Variants in PRKG1 observed in about 807,000 individuals in gnomAD.
PRKG1 encodes protein kinase cGMP-dependent 1, also known as cGMP-dependent protein kinase 1.
PRKG1 carries 35 observed loss-of-function variants against 88.1 expected under a neutral mutation model. The observed-to-expected ratio is 0.40, with a 90% CI of 0.30 to 0.53. The LOEUF is 0.53. Among genes scored for constraint, PRKG1 ranks in the 20% least tolerant of loss-of-function variants. The pLI, the probability that PRKG1 is intolerant of heterozygous loss-of-function variation, is 0.59. For synonymous variants in PRKG1, 303 were observed against 292.5 expected (o/e 1.04, Z -0.37); for missense variants, 540 against 839.8 (o/e 0.64, Z 4.41).
At chr10:51,047,376 C>A (rs966255166) in intron 1 of PRKG1, among the ~76,000 whole-genome samples, 8 of 152,106 alleles carry the variant, frequency 5.3e-5, no homozygotes, top group Admixed American at 3.3e-4. Context: ...ATACATTTTG[C>A]AAAACACGTA....
intron 2 of PRKG1, among the ~76,000 whole-genome samples, chr10:51,345,059 A>G (rs1842082561): frequency 6.6e-6 from 1 of 152,230 alleles, no homozygotes; most frequent in African/African-American, 2.4e-5. Context: ...GAAAACAATA[A>G]TAATTAGTAG....
At chr10:51,138,579 A>T (rs1845742240) in intron 1 of PRKG1, among the ~76,000 whole-genome samples, 1 of 151,932 alleles carries the variant, frequency 6.6e-6, no homozygotes, top group South Asian at 2.1e-4. Flanking sequence ...TCTTCTTACT[A>T]CAAATATGGC....
chr10:51,083,966 A>G (rs570864108), intron 1 of PRKG1, among the ~76,000 whole-genome samples: 1 of 152,344 alleles, frequency 6.6e-6, no homozygotes, highest in East Asian at 1.9e-4. Context: ...ATAAGCAATG[A>G]AAATAGCTAA....
At chr10:51,467,185 C>G (rs182074861) in intron 2 of PRKG1, among the ~76,000 whole-genome samples, 1 of 151,968 alleles carries the variant, frequency 6.6e-6, no homozygotes, top group East Asian at 1.9e-4. Context: ...TTTGTTTTTT[C>G]CTACAGTTAA....
chr10:51,453,097 C>CTTGAATGATCCT (rs1316217813), intron 2 of PRKG1, among the ~76,000 whole-genome samples: 1 of 151,842 alleles, frequency 6.6e-6, no homozygotes, highest in African/African-American at 2.4e-5. Context: ...TCATGGTAGC[C>CTTGAATGATCCT]TTGAATGATC....
chr10:51,872,151 G>A (rs190338249), intron 4 of PRKG1, among the ~76,000 whole-genome samples: 69 of 152,224 alleles, frequency 4.5e-4, no homozygotes, highest in Admixed American at 3.3e-4. Flanking sequence ...CACAAATGCA[G>A]TACTTTGCAC....
At chr10:52,050,729 T>C (rs1487264955) in intron 5 of PRKG1, among the ~76,000 whole-genome samples, 2 of 152,186 alleles carry the variant, frequency 1.3e-5, no homozygotes, top group Non-Finnish European at 2.9e-5. Flanking sequence ...AACAGATATT[T>C]ATATGACAAG....
At chr10:51,994,813 A>G (rs1176255190) in intron 5 of PRKG1, among the ~76,000 whole-genome samples, 1 of 152,174 alleles carries the variant, frequency 6.6e-6, no homozygotes, top group Non-Finnish European at 1.5e-5. Flanking sequence ...GAGCACTGAT[A>G]TCTGCTCCCT....
At chr10:51,868,928 A>G (rs1841086560) in intron 4 of PRKG1, among the ~76,000 whole-genome samples, 1 of 152,210 alleles carries the variant, frequency 6.6e-6, no homozygotes, top group Admixed American at 6.5e-5. Context: ...AAGCTAGAAC[A>G]CTGGATAAAT....
At chr10:51,665,492 A>T (rs1411108280) in intron 3 of PRKG1, among the ~76,000 whole-genome samples, 1 of 152,136 alleles carries the variant, frequency 6.6e-6, no homozygotes, top group Non-Finnish European at 1.5e-5. Flanking sequence ...ATCCACCCAT[A>T]GTCAACATTT....
intron 1 of PRKG1, among the ~76,000 whole-genome samples, chr10:51,049,533 A>G (rs771273431): frequency 2.0e-5 from 3 of 152,148 alleles, no homozygotes; most frequent in Admixed American, 6.5e-5. Flanking sequence ...TCTCCTGTAT[A>G]GCTTGTTTAA....
intron 5 of PRKG1, among the ~76,000 whole-genome samples, chr10:51,936,438 A>G (rs184216994): frequency 6.6e-6 from 1 of 152,090 alleles, no homozygotes; most frequent in Non-Finnish European, 1.5e-5. Context: ...GCTATGCCTG[A>G]TAATTTTGTT....
Position 51,694,824 on chromosome 10 carries a change from C to T in PRKG1, c.593-109761C>T, listed in dbSNP as rs536409315. Among the ~76,000 whole-genome samples, 233 of 152,242 alleles carry T rather than the reference C, an allele frequency of 1.5e-3. 6 individuals carry two copies. In the South Asian group the frequency reaches 0.047, roughly 31 times the overall value. On this transcript the variant is annotated intron_variant, in intron 3 of 17. Transcript: ENST00000373980. ...GCAATATTGCTTGCTTTATTCTTTACTATCAAATGAAATAAGGCTCTATGC... is the reference window on the plus strand; with the variant it reads ...GCAATATTGCTTGCTTTATTCTTTATTATCAAATGAAATAAGGCTCTATGC...
At chr10:51,907,375 C>CTT (rs1842107860) in intron 4 of PRKG1, 132 bp from the exon 5 acceptor site, 2 of 621,586 alleles carry the variant, frequency 3.2e-6, no homozygotes, top group Non-Finnish European at 2.6e-6. Flanking sequence ...GTGGCTAATG[C>CTT]ATTTTTTTTT....
intron 3 of PRKG1, among the ~76,000 whole-genome samples, chr10:51,490,183 T>C (rs1840668533): frequency 6.6e-6 from 1 of 152,136 alleles, no homozygotes; most frequent in African/African-American, 2.4e-5. Flanking sequence ...CAAAGTTACA[T>C]GTATAGCAGA....
intron 1 of PRKG1, among the ~76,000 whole-genome samples, chr10:51,063,957 A>G (rs1256536648): frequency 1.3e-5 from 2 of 152,124 alleles, no homozygotes; most frequent in Admixed American, 6.5e-5. Flanking sequence ...GCTGTACACT[A>G]TGGAAGTGTA....
chr10:51,483,401 T>A (rs1046044328), intron 3 of PRKG1, among the ~76,000 whole-genome samples: 1 of 152,204 alleles, frequency 6.6e-6, no homozygotes, highest in Admixed American at 6.5e-5. Flanking sequence ...TTCTTTTTAC[T>A]CCATCTTTGA....
chr10:51,113,929 AAGTC>A (rs1030631087), intron 1 of PRKG1, among the ~76,000 whole-genome samples: 71 of 148,284 alleles, frequency 4.8e-4, no homozygotes, highest in African/African-American at 1.8e-3. Flanking sequence ...ACTTCAGAAA[AAGTC>A]AGCCTGTAAA....
intron 5 of PRKG1, among the ~76,000 whole-genome samples, chr10:51,968,242 C>G (rs1373882146): frequency 6.6e-6 from 1 of 152,040 alleles, no homozygotes; most frequent in African/African-American, 2.4e-5. Flanking sequence ...CTCTAGAGTA[C>G]CAGGAGACCA....
Sources: gnomAD v4.1 joint callset for allele counts (sites outside exome capture counted in the v4.1 genomes callset) on GRCh38, gnomAD v4.1.1 for gene constraint, MANE v1.5 for transcripts, NCBI Gene and HGNC (gene_info 2026-07-23, HGNC 2026-07-21) for gene names.